The following FAM20A variants were observed in gnomAD, a reference collection of about 807,000 sequenced individuals.
FAM20A encodes FAM20A golgi associated secretory pathway pseudokinase.
A neutral mutation model predicts 52.0 loss-of-function variants in FAM20A; 42 were observed. The observed-to-expected ratio is 0.81, with a 90% confidence interval of 0.63 to 1.04. FAM20A has a LOEUF of 1.04. FAM20A is among the 50% of genes least tolerant of loss of function. The probability of loss-of-function intolerance (pLI) is 0.00; values close to 1 mark genes in which losing one functional copy is unlikely to be tolerated. For synonymous variants in FAM20A, 304 were observed against 298.9 expected, an observed-to-expected ratio of 1.02 and a Z score of -0.18; for missense variants, 742 against 712.7, an observed-to-expected ratio of 1.04 and a Z score of -0.47.
At chr17:68,594,667 T>G (rs1420418586) in intron 1 of FAM20A, among the ~76,000 whole-genome samples, 1 of 152,212 alleles carries the variant, frequency 6.6e-6, no homozygotes, top group Non-Finnish European at 1.5e-5. Context: ...CTTGTGGCAG[T>G]AGGACTGTAG....
chr17:68,554,144 A>T (rs538156489), intron 3 of FAM20A, among the ~76,000 whole-genome samples: 55 of 144,170 alleles, frequency 3.8e-4, no homozygotes, highest in African/African-American at 6.0e-4. Flanking sequence ...ATATATATAT[A>T]TTTTTAGCTG....
chr17:68,600,238 C>T lies in FAM20A; in HGVS notation c.404+25G>A, dbSNP rs118181220. 390 of 1,550,668 alleles carry T rather than the reference C, an allele frequency of 2.5e-4. 1 individual carries two copies. The African/African-American group carries it at 4.3e-3, about 17-fold the overall frequency. On this transcript the variant is annotated intron_variant, in intron 1 of 10. Transcript: ENST00000592554. This position sits in a 1 kb window ranked among gnomAD's most constrained non-coding sequence, Gnocchi z 6.2. ...AGGCCCCGGCCAGAGCGCCCGCTCT[C>T]CCGCGTCCCGGGCGGGGTCCTCACC...
Position 68,601,160 on chromosome 17 carries a change from T to G in FAM20A, c.-494A>C, listed in dbSNP as rs1314931319. Reference sequence around the variant, plus strand: ...CTGCTAGTGCTCCCGCGACTCCTCCTGCGGGCGGCGGAGACGCCAGTGCCG... The same window carrying G: ...CTGCTAGTGCTCCCGCGACTCCTCCGGCGGGCGGCGGAGACGCCAGTGCCG... On this transcript the variant is annotated 5_prime_UTR_variant, in exon 1 of 11. Transcript: ENST00000592554. 6.6e-6 allele frequency: 1 copy of G among 152,310 alleles called. No homozygotes were observed. Among genetic ancestry groups the G allele is most frequent in the Non-Finnish European group, 1.5e-5 (1 of 68,230 alleles). 9.4% of individuals were successfully genotyped at this position (152,310 alleles called of 1,614,324 possible).
chr17:68,540,634 T>C (rs1367598019), intron 8 of FAM20A: 2 of 663,512 alleles, frequency 3.0e-6, no homozygotes, highest in East Asian at 3.2e-5. Flanking sequence ...GCCTGCCTTA[T>C]GAGTGACGAC....
At chr17:68,581,495 TCTTTC>T (rs2087995808) in intron 1 of FAM20A, among the ~76,000 whole-genome samples, 1 of 131,466 alleles carries the variant, frequency 7.6e-6, no homozygotes, top group South Asian at 2.4e-4. Flanking sequence ...TCTTTTTCTT[TCTTTC>T]TTCTTTCTCT....
chr17:68,536,375 T>G lies in FAM20A; in HGVS notation c.*1102A>C, dbSNP rs2086096488. ...TACTGTCCTTTGTGTTTTCGGTCAT[T>G]AATTATGGAATAAGAAACAAAGCCT... On this transcript the variant is annotated 3_prime_UTR_variant, in exon 11 of 11. Coordinates refer to ENST00000592554, the MANE Select transcript of FAM20A (RefSeq NM_017565.4). 1 of 454,136 alleles carries G rather than the reference T, an allele frequency of 2.2e-6. No homozygotes were observed. The highest frequency in any genetic ancestry group is 4.4e-6 in the Non-Finnish European group (1 of 226,796). The allele number at this position is 454,136 out of a possible 1,614,324, so 28.1% of individuals were successfully genotyped here.
At chr17:68,573,993 A>G (rs957557777) in intron 1 of FAM20A, among the ~76,000 whole-genome samples, 3 of 151,522 alleles carry the variant, frequency 2.0e-5, no homozygotes. Context: ...TATTTCTTAC[A>G]GTTTTAGAGG....
intron 8 of FAM20A, chr17:68,540,419 C>T (rs908330337): frequency 1.3e-5 from 6 of 460,828 alleles, no homozygotes; most frequent in Non-Finnish European, 2.2e-5. Flanking sequence ...TGACGGCCAC[C>T]TTCATAAGTG....
chr17:68,542,126 C>T lies in FAM20A; in HGVS notation c.968G>A (p.Cys323Tyr). Residue 323 changes from cysteine (C) to tyrosine (Y), a missense_variant, in exon 7 of 11, where the codon TGC (cysteine) becomes TAC (tyrosine). By Grantham distance (194) the Cys-to-Tyr change is radical (BLOSUM62 -2). Transcript: ENST00000592554. ...VCFFAKCPYM[C>Y]KTEYAVCGNP... is the part of the protein sequence containing the mutation. ...GCCACAGACAGCATACTCCGTCTTG[C>T]ACATGTATGGACACTTGGCGAAGAA... 1.2e-6 allele frequency: 2 copies of T among 1,614,076 alleles called. No homozygotes were observed. Among genetic ancestry groups the T allele is most frequent in the Non-Finnish European group, 1.7e-6 (2 of 1,180,032 alleles).
chr17:68,580,181 T>A (rs185247470), intron 1 of FAM20A, among the ~76,000 whole-genome samples: 131 of 152,358 alleles, frequency 8.6e-4, no homozygotes, highest in African/African-American at 3.1e-3. Context: ...TTTCTGCTCT[T>A]CCACAGTGGC....
Position 68,537,688 on chromosome 17 carries a change from C to T in FAM20A, c.1415G>A (p.Arg472Lys). 1 of 1,613,610 alleles carries T rather than the reference C, an allele frequency of 6.2e-7. No homozygotes were observed. The highest frequency in any genetic ancestry group is 8.5e-7 in the Non-Finnish European group (1 of 1,179,814). Residue 472 changes from arginine (R) to lysine (K), a missense_variant, in exon 11 of 11, where the codon AGA (arginine) becomes AAA (lysine). Transcript: ENST00000592554. This position sits in a 1 kb window ranked among gnomAD's most constrained non-coding sequence, Gnocchi z 4.2. The stretch of plus-strand genomic sequence containing the variant: ...TGATTCTCGCATCACATCGCTGAGT[C>T]TGTAGTCAGCTTGGGCCAGCAGCTG... The part of the protein sequence containing the change: ...HLQLLAQADY[R>K]LSDVMRESLL...
Position 68,540,903 on chromosome 17 carries a change from T to G in FAM20A, c.1165A>C (p.Asn389His), listed in dbSNP as rs1341004526. The G allele has an allele frequency of 1.2e-6, 2 of 1,605,020 alleles. No individual in the cohort carries two copies. Among genetic ancestry groups the G allele is most frequent in the African/African-American group, 1.3e-5 (1 of 74,800 alleles). ...ATGACATTGAGGAGCCGCTGGCTGT[T>G]GTTGTACGGGTAGATCTGTTTCACT... ...DTVKQIYPYN[N>H]SQRLLNVIDM... Residue 389 changes from asparagine to histidine, a missense_variant, in exon 8 of 11, where the codon AAC becomes CAC. Transcript: ENST00000592554.
In FAM20A at chr17:68,600,768, G is replaced by T; in HGVS notation, c.-102C>A. 1 of 1,321,798 alleles carries T rather than the reference G, an allele frequency of 7.6e-7. No individual in the cohort carries two copies. Among genetic ancestry groups the T allele is most frequent in the Non-Finnish European group, 1.0e-6 (1 of 986,334 alleles). 81.9% of individuals were successfully genotyped at this position (1,321,798 alleles called of 1,614,324 possible). On this transcript the variant is annotated 5_prime_UTR_variant, in exon 1 of 11. Transcript: ENST00000592554. The surrounding 1 kb of genome is among the most constrained non-coding windows in gnomAD (Gnocchi z 6.2). ...AGAAGAGGTGCCTGGAGTCCCGCGG[G>T]TGGGCCGGGGTCAGTGAGACCGGAA...
chr17:68,562,071 G>A (rs554983203), intron 1 of FAM20A, among the ~76,000 whole-genome samples: 10 of 152,136 alleles, frequency 6.6e-5, no homozygotes, highest in South Asian at 2.1e-4. Flanking sequence ...TGATCCACCC[G>A]CCTTGGCCTC....
At chr17:68,599,577 A>G (rs1267588859) in intron 1 of FAM20A, among the ~76,000 whole-genome samples, 1 of 152,246 alleles carries the variant, frequency 6.6e-6, no homozygotes, top group African/African-American at 2.4e-5. Context: ...CCAAATCACC[A>G]GGATCATACA....
At chr17:68,585,010 G>C (rs1160190283) in intron 1 of FAM20A, among the ~76,000 whole-genome samples, 1 of 152,186 alleles carries the variant, frequency 6.6e-6, no homozygotes, top group Non-Finnish European at 1.5e-5. Flanking sequence ...ACCTAAGGTA[G>C]GTGTTTGGTT....
chr17:68,554,716 T>C, intron 3 of FAM20A, 61 bp downstream of exon 3: 2 of 1,553,870 alleles, frequency 1.3e-6, no homozygotes, highest in Non-Finnish European at 1.8e-6. Context: ...GGAGTGGGTT[T>C]TGGGGTTTGC....
chr17:68,550,494 C>A (rs2143644363), intron 4 of FAM20A, among the ~76,000 whole-genome samples: 1 of 150,286 alleles, frequency 6.7e-6, no homozygotes, highest in East Asian at 2.0e-4. Context: ...GATTCTTCTG[C>A]CTCAGCCTCT....
rs143349110 is a variant in FAM20A, at chr17:68,540,421, T to C, written c.1219+428A>G. The C allele has an allele frequency of 1.1e-3, 496 of 461,764 alleles. 11 individuals are homozygous for C. The highest frequency in any genetic ancestry group is 6.5e-3 in the South Asian group (419 of 64,244). The allele number at this position is 461,764 out of a possible 1,614,324, so 28.6% of individuals were successfully genotyped here. The stretch of plus-strand genomic sequence containing the variant: ...CTAAGCTCCTGTATGACGGCCACCT[T>C]CATAAGTGTCTCGTCTCCCTAGAAG... On this transcript the variant is annotated intron_variant, in intron 8 of 10. Transcript: ENST00000592554.
Sources: gnomAD v4.1 joint callset for allele counts (sites outside exome capture counted in the v4.1 genomes callset) on GRCh38, gnomAD v4.1.1 for gene constraint, Gnocchi (gnomAD v3.1) non-coding constraint, MANE v1.5 for transcripts, NCBI Gene and HGNC (gene_info 2026-07-23, HGNC 2026-07-21) for gene names.